FHIP1B: variants seen among roughly 807,000 people sequenced by gnomAD.
The protein encoded by FHIP1B is FHF complex subunit HOOK-interacting protein 1B.
A neutral mutation model predicts 82.2 loss-of-function variants in FHIP1B; 28 were observed. The observed-to-expected ratio is 0.34, with a 90% confidence interval of 0.25 to 0.47. The LOEUF (loss-of-function observed/expected upper bound fraction) is 0.47. Ranked by LOEUF, FHIP1B falls within the 20% of genes least tolerant of loss-of-function variation. The pLI, the probability that FHIP1B is intolerant of heterozygous loss-of-function variation, is 1.00. For synonymous variants in FHIP1B, 585 were observed against 516.1 expected (o/e 1.13, Z -1.81); for missense variants, 1,110 against 1,262.6 (o/e 0.88, Z 1.83).
chr11:6,230,038 G>A (rs1847659059), intron 1 of FHIP1B, among the ~76,000 whole-genome samples: 1 of 150,078 alleles, frequency 6.7e-6, no homozygotes, highest in African/African-American at 2.5e-5. Flanking sequence ...CTCAGCCACA[G>A]AGTAAAAAGG....
At position 6,217,013 on chromosome 11, in the gene FHIP1B, A is replaced by T. The variant is rs879218762; in HGVS notation, c.2215+358T>A. On this transcript the variant is annotated intron_variant, in intron 9 of 11. Transcript: ENST00000449352. ...CATACAGGACAGCACATACGTCTTCAATATGGTTCAGAAATATTGCTGTGA... is the reference window on the plus strand; with the variant it reads ...CATACAGGACAGCACATACGTCTTCTATATGGTTCAGAAATATTGCTGTGA... 2.1e-5 allele frequency: 14 copies of T among 682,442 alleles called. No individual in the cohort carries two copies. The South Asian group carries it at 2.1e-4, about 10-fold the overall frequency. The allele number at this position is 682,442 out of a possible 1,614,324, so 42.3% of individuals were successfully genotyped here.
intron 1 of FHIP1B, among the ~76,000 whole-genome samples, chr11:6,229,813 A>G (rs1400953253): frequency 6.6e-6 from 1 of 152,152 alleles, no homozygotes; most frequent in African/African-American, 2.4e-5. Flanking sequence ...CCAAAAGCCA[A>G]TACTTAAACT....
At chr11:6,219,658 C>T (rs557687337) in intron 6 of FHIP1B, among the ~76,000 whole-genome samples, 76 of 152,308 alleles carry the variant, frequency 5.0e-4, no homozygotes, top group African/African-American at 1.8e-3. Flanking sequence ...TAGAGGAAAT[C>T]TTTTATTTTA....
At chr11:6,217,180 G>C (rs1847253581) in intron 9 of FHIP1B, 191 bp downstream of exon 9, 2 of 709,748 alleles carry the variant, frequency 2.8e-6, no homozygotes. Context: ...CACAAGCATG[G>C]AAGACGTACA....
At chr11:6,228,698 G>A (rs1302132519) in intron 1 of FHIP1B, among the ~76,000 whole-genome samples, 2 of 152,280 alleles carry the variant, frequency 1.3e-5, no homozygotes, top group South Asian at 2.1e-4. Flanking sequence ...CTAGAAGAAT[G>A]GGGGTGAGAG....
intron 1 of FHIP1B, among the ~76,000 whole-genome samples, chr11:6,234,158 C>T (rs1482325826): frequency 6.6e-6 from 1 of 152,044 alleles, no homozygotes; most frequent in Non-Finnish European, 1.5e-5. Context: ...TCCTCCCATG[C>T]CTCGCCTTCA....
At chr11:6,216,280 G>A (rs1475309540) in intron 9 of FHIP1B, among the ~76,000 whole-genome samples, 2 of 152,252 alleles carry the variant, frequency 1.3e-5, no homozygotes, top group Non-Finnish European at 2.9e-5. Context: ...CCCAGGCCCA[G>A]TCAGGACATG....
At chr11:6,218,242 G>C (rs527311768) in intron 8 of FHIP1B, 92 bp from the exon 9 acceptor site, 2 of 1,462,854 alleles carry the variant, frequency 1.4e-6, no homozygotes, top group East Asian at 4.9e-5. Context: ...GAAGACAATG[G>C]GGAGGCAGAA....
intron 9 of FHIP1B, chr11:6,215,379 T>G (rs1847197068): frequency 6.6e-6 from 1 of 152,650 alleles, no homozygotes. Flanking sequence ...CATATTGTTT[T>G]TATAAAAGAT....
At chr11:6,214,621 C>T (rs1349572829) in intron 10 of FHIP1B, 48 bp from the exon 11 acceptor site, 8 of 1,575,930 alleles carry the variant, frequency 5.1e-6, no homozygotes, top group African/African-American at 1.3e-5. Context: ...TAGACTGATA[C>T]AGTCCTTTCT....
chr11:6,214,721 T>G lies in FHIP1B; in HGVS notation c.2394+12A>C, dbSNP rs771280176. 1 of 1,563,334 alleles carries G rather than the reference T, an allele frequency of 6.4e-7. No individual in the cohort carries two copies. The highest frequency in any genetic ancestry group is 1.2e-5 in the South Asian group (1 of 83,438). On this transcript the variant is annotated intron_variant, in intron 10 of 11. Coordinates refer to ENST00000449352, the MANE Select transcript of FHIP1B (RefSeq NM_001098794.2). Reference sequence around the variant, plus strand: ...GAGCCTGGACGCACCCATGCATGCATGCATCGCACACCTGCAGCAGGGACT... The same window carrying G: ...GAGCCTGGACGCACCCATGCATGCAGGCATCGCACACCTGCAGCAGGGACT...
intron 6 of FHIP1B, among the ~76,000 whole-genome samples, 189 bp from the exon 7 acceptor site, chr11:6,219,239 T>C (rs992504244): frequency 7.2e-5 from 11 of 152,242 alleles, no homozygotes; most frequent in Admixed American, 3.9e-4. Flanking sequence ...ACACGATCTT[T>C]GCGAGCAAGA....
intron 9 of FHIP1B, chr11:6,216,981 G>T: frequency 4.6e-6 from 3 of 649,388 alleles, no homozygotes; most frequent in Non-Finnish European, 8.4e-6. Context: ...GTGTTTAGGT[G>T]CCTCTCCATA....
At chr11:6,213,094 TG>T (rs1182574305) in intron 11 of FHIP1B, among the ~76,000 whole-genome samples, 1 of 152,196 alleles carries the variant, frequency 6.6e-6, no homozygotes, top group East Asian at 1.9e-4. Context: ...CTTGTCTACC[TG>T]GCCCCTCTAA....
intron 1 of FHIP1B, among the ~76,000 whole-genome samples, chr11:6,231,489 T>TC (rs1219631348): frequency 5.5e-5 from 8 of 144,942 alleles, no homozygotes; most frequent in Non-Finnish European, 1.1e-4. Context: ...TTTTTTTTTT[T>TC]CTTGAGGTGG....
At position 6,223,661 on chromosome 11, in the gene FHIP1B, A is replaced by G; in HGVS notation, c.726T>C (p.Ala242=). The change falls in exon 3 of 12, where the codon GCT becomes GCC. Residue 242 remains alanine, a synonymous_variant. Coordinates refer to ENST00000449352, the MANE Select transcript of FHIP1B (RefSeq NM_001098794.2). The surrounding 1 kb of genome is among the most constrained non-coding windows in gnomAD (Gnocchi z 4.8). ...TGTAGCGGCCCACAGTGGGGCTCCCAGCTGACAAAGCCATGAGAAGAAGTA... is the reference window on the plus strand; with the variant it reads ...TGTAGCGGCCCACAGTGGGGCTCCCGGCTGACAAAGCCATGAGAAGAAGTA... ...DALLLLMALS[A]GSPTVGRYIA... is the part of the protein sequence containing the mutation. 6.2e-7 allele frequency: 1 copy of G among 1,611,970 alleles called. No individual in the cohort carries two copies. Among genetic ancestry groups the G allele is most frequent in the Admixed American group, 1.7e-5 (1 of 59,808 alleles).
chr11:6,225,979 G>C (rs1478219209), intron 1 of FHIP1B, among the ~76,000 whole-genome samples: 5 of 152,100 alleles, frequency 3.3e-5, no homozygotes, highest in Non-Finnish European at 5.9e-5. Flanking sequence ...GTAGCTATTG[G>C]AGAAGGAACC....
intron 8 of FHIP1B, 42 bp downstream of exon 8, chr11:6,218,558 C>T: frequency 1.2e-6 from 2 of 1,613,088 alleles, no homozygotes; most frequent in Non-Finnish European, 1.7e-6. Context: ...TAGGCCATAC[C>T]CGTGATGTCC....
chr11:6,211,415 T>C lies in FHIP1B; in HGVS notation c.*91A>G. On this transcript the variant is annotated 3_prime_UTR_variant, in exon 12 of 12. Transcript: ENST00000449352. ...CATTCATCTGAAATAAATTAAAAAG[T>C]CCTTTTGCCACTGCCTCCAAACATA... is the stretch of plus-strand genomic sequence containing the variant. 6.9e-7 allele frequency: 1 copy of C among 1,444,240 alleles called. No homozygotes were observed. Among genetic ancestry groups the C allele is most frequent in the Non-Finnish European group, 9.3e-7 (1 of 1,080,020 alleles). The allele number at this position is 1,444,240 out of a possible 1,614,324, so 89.5% of individuals were successfully genotyped here.
Sources: allele counts gnomAD v4.1 joint callset (sites outside exome capture counted in the v4.1 genomes callset), GRCh38; gene constraint gnomAD v4.1.1; non-coding constraint Gnocchi (gnomAD v3.1); transcripts MANE v1.5; gene names NCBI Gene and HGNC (gene_info 2026-07-23, HGNC 2026-07-21).